PTAR1: variants seen among roughly 807,000 people sequenced by gnomAD.
PTAR1 encodes the protein protein prenyltransferase alpha subunit repeat-containing protein 1.
Under a neutral mutation model 45.5 loss-of-function variants are expected in PTAR1, and 17 were observed. The ratio of observed to expected loss-of-function variants is 0.37; its 90% confidence interval spans 0.26 to 0.56. PTAR1 has a LOEUF of 0.56. Among genes scored for constraint, PTAR1 ranks in the 20% least tolerant of loss-of-function variants. PTAR1 has a pLI of 0.77. For missense variants in PTAR1, 391 were observed against 476.3 expected (o/e 0.82, Z 1.67); for synonymous variants, 169 against 171.3 (o/e 0.99, Z 0.11).
chr9:69,750,872 A>G lies in PTAR1; in HGVS notation c.165T>C (p.Gly55=). The change falls in exon 2 of 8, where the codon GGT becomes GGC. Residue 55 remains glycine, a synonymous_variant. Coordinates refer to ENST00000340434, the MANE Select transcript of PTAR1 (RefSeq NM_001099666.2). The part of the protein sequence containing the change: ...SPIVLVENKL[G]VESWCVKFLL... Reference sequence around the variant, plus strand: ...GGAACTTGACACACCAGCTCTCCACACCCAGTTTGTTTTCAACCAGGACTA... The same window carrying G: ...GGAACTTGACACACCAGCTCTCCACGCCCAGTTTGTTTTCAACCAGGACTA... The G allele has an allele frequency of 1.2e-6, 2 of 1,610,270 alleles. No homozygotes were observed. The highest frequency in any genetic ancestry group is 1.7e-6 in the Non-Finnish European group (2 of 1,177,932).
At chr9:69,719,159 T>C (rs1412806458) in intron 6 of PTAR1, among the ~76,000 whole-genome samples, 3 of 152,162 alleles carry the variant, frequency 2.0e-5, no homozygotes, top group Non-Finnish European at 4.4e-5. Flanking sequence ...TTAATAAAAA[T>C]AACATATCTG....
chr9:69,750,058 A>G (rs1826453760), intron 2 of PTAR1, among the ~76,000 whole-genome samples: 1 of 152,094 alleles, frequency 6.6e-6, no homozygotes, highest in African/African-American at 2.4e-5. Flanking sequence ...GTCTTCTCCC[A>G]AAAAGTGAGA....
intron 2 of PTAR1, among the ~76,000 whole-genome samples, chr9:69,746,090 C>G (rs1826262200): frequency 6.6e-6 from 1 of 152,180 alleles, no homozygotes; most frequent in South Asian, 2.1e-4. Context: ...ACTGCTAAAA[C>G]TTCCTCATTC....
rs1172797757 is a variant in PTAR1 at position 69,723,524 on chromosome 9, T to C, written c.749A>G (p.Gln250Arg). The change falls in exon 6 of 8, where the codon CAA becomes CGA. Residue 250 changes from glutamine (Q) to arginine (R), a missense_variant. Around this residue, in one of 5 missense-constraint regions of PTAR1, gnomAD observed 181 missense variants for 227.7 expected, o/e 0.80. Transcript: ENST00000340434. ...CATCACAGAACTGTCTATCACAGTTTGGCTAATCAAAGACTTAAGCAAAAA... is the reference window on the plus strand; with the variant it reads ...CATCACAGAACTGTCTATCACAGTTCGGCTAATCAAAGACTTAAGCAAAAA... The part of the protein sequence containing the change: ...RQFLLKSLIS[Q>R]TVIDSSVMEQ... 1.2e-6 allele frequency: 2 copies of C among 1,613,892 alleles called. No individual in the cohort carries two copies. The highest frequency in any genetic ancestry group is 1.7e-5 in the Admixed American group (1 of 60,014).
At chr9:69,727,523 A>C (rs376806159) in intron 5 of PTAR1, among the ~76,000 whole-genome samples, 1 of 143,472 alleles carries the variant, frequency 7.0e-6, no homozygotes, top group Admixed American at 7.0e-5. Flanking sequence ...AAAAAAAAAA[A>C]CCACCTAACT....
chr9:69,722,210 G>C (rs1213172170), intron 6 of PTAR1, among the ~76,000 whole-genome samples: 3 of 152,146 alleles, frequency 2.0e-5, no homozygotes, highest in African/African-American at 4.8e-5. Context: ...TTTAGAAATA[G>C]GCAATTTTAA....
At chr9:69,726,343 A>C (rs1219997825) in intron 5 of PTAR1, among the ~76,000 whole-genome samples, 1 of 152,094 alleles carries the variant, frequency 6.6e-6, no homozygotes, top group East Asian at 1.9e-4. Flanking sequence ...TATGGCATTA[A>C]ATATTATTCT....
At position 69,749,206 on chromosome 9, in the gene PTAR1, T is replaced by C. The variant is rs1048452313; in HGVS notation, c.256+1575A>G. On this transcript the variant is annotated intron_variant, in intron 2 of 7. Transcript: ENST00000340434. Reference sequence around the variant, plus strand: ...CTTGGAAGACCACAGAAAGGGTAGGTTGAGCTAACATACATAAATGGGCAA... The same window carrying C: ...CTTGGAAGACCACAGAAAGGGTAGGCTGAGCTAACATACATAAATGGGCAA... Among the ~76,000 whole-genome samples the C allele has an allele frequency of 2.6e-5, 4 of 152,142 alleles. No homozygotes were observed. In the East Asian group the frequency reaches 5.8e-4, roughly 22 times the overall value.
intron 1 of PTAR1, among the ~76,000 whole-genome samples, chr9:69,758,932 T>C (rs1341092594): frequency 6.6e-6 from 1 of 152,142 alleles, no homozygotes; most frequent in Non-Finnish European, 1.5e-5. Flanking sequence ...GCCATGTTTC[T>C]TTTCTTTGAG....
At chr9:69,757,989 T>G (rs1340851533) in intron 1 of PTAR1, 1 of 152,238 alleles carries the variant, frequency 6.6e-6, no homozygotes, top group Non-Finnish European at 1.5e-5. Context: ...TACAAATCAT[T>G]ACATTATTCC....
At chr9:69,732,039 C>T in intron 5 of PTAR1, 100 bp downstream of exon 5, 1 of 771,064 alleles carries the variant, frequency 1.3e-6, no homozygotes, top group Admixed American at 2.7e-5. Flanking sequence ...GCCAGACCAT[C>T]AGTTTCTCTA....
At chr9:69,747,931 C>T (rs547044432) in intron 2 of PTAR1, among the ~76,000 whole-genome samples, 3 of 152,228 alleles carry the variant, frequency 2.0e-5, no homozygotes, top group South Asian at 2.1e-4. Context: ...TTCGACTCTA[C>T]GTTGACCCTG....
chr9:69,732,515 T>A (rs755728667), intron 4 of PTAR1, among the ~76,000 whole-genome samples, 163 bp from the exon 5 acceptor site: 1 of 152,144 alleles, frequency 6.6e-6, no homozygotes, highest in Non-Finnish European at 1.5e-5. Context: ...GTTGTTTTGT[T>A]GTTTATGATG....
intron 6 of PTAR1, among the ~76,000 whole-genome samples, chr9:69,721,908 T>C (rs1825028868): frequency 6.6e-6 from 1 of 152,170 alleles, no homozygotes; most frequent in African/African-American, 2.4e-5. Context: ...AAAAAAAAAT[T>C]GTGTGGCTCA....
intron 5 of PTAR1, among the ~76,000 whole-genome samples, chr9:69,724,679 A>G (rs1290490536): frequency 1.3e-5 from 2 of 152,156 alleles, no homozygotes; most frequent in African/African-American, 4.8e-5. Context: ...ATTCCATCAC[A>G]TTTATTAAAG....
chr9:69,755,475 C>A (rs1826734428), intron 1 of PTAR1, among the ~76,000 whole-genome samples: 1 of 152,144 alleles, frequency 6.6e-6, no homozygotes, highest in Non-Finnish European at 1.5e-5. Context: ...TTATTATCCA[C>A]AAAAGTTGCA....
rs145947133 is a variant in PTAR1, at chr9:69,723,391, T to A, written c.882A>T (p.Glu294Asp). The change falls in exon 6 of 8, where the codon GAA becomes GAT. Residue 294 changes from glutamate (E) to aspartate (D), a missense_variant. This residue lies in a region of PTAR1 where 181 missense variants were observed against 227.7 expected (regional missense o/e 0.80). Transcript: ENST00000340434. Reference protein sequence around the residue: ...PRINLPHLLEEEVEFSTDLID... With the variant: ...PRINLPHLLEDEVEFSTDLID... The stretch of plus-strand genomic sequence containing the variant: ...TAAGATCAGTGCTGAATTCAACTTC[T>A]TCTTCTAGAAGATGGGGAAGATTAA... 9.3e-6 allele frequency: 15 copies of A among 1,613,930 alleles called. No individual in the cohort carries two copies. The East Asian group carries it at 1.6e-4, about 17-fold the overall frequency.
At position 69,714,873 on chromosome 9, in the gene PTAR1, A is replaced by G. The variant is rs1210353394; in HGVS notation, c.*3469T>C. On this transcript the variant is annotated 3_prime_UTR_variant, in exon 8 of 8. Transcript: ENST00000340434. Reference sequence around the variant, plus strand: ...TACATATCAAATCCCTAAGCTTAAAAAATGACTCATACAGATTTAAGAAAT... The same window carrying G: ...TACATATCAAATCCCTAAGCTTAAAGAATGACTCATACAGATTTAAGAAAT... 1 of 152,114 alleles carries G rather than the reference A, an allele frequency of 6.6e-6. No individual in the cohort carries two copies. The highest frequency in any genetic ancestry group is 2.4e-5 in the African/African-American group (1 of 41,464). The allele number at this position is 152,114 out of a possible 1,614,324, so 9.4% of individuals were successfully genotyped here. A position where few individuals can be genotyped will look rare whatever the true frequency, so the allele number is the denominator to read the frequency against.
intron 3 of PTAR1, among the ~76,000 whole-genome samples, chr9:69,736,755 ACT>A (rs1825807745): frequency 6.6e-6 from 1 of 152,102 alleles, no homozygotes; most frequent in African/African-American, 2.4e-5. Flanking sequence ...AATTATGGGC[ACT>A]CTCTTTTGCA....
Sources: allele counts gnomAD v4.1 joint callset (sites outside exome capture counted in the v4.1 genomes callset), GRCh38; gene constraint gnomAD v4.1.1; regional missense constraint gnomAD v4.1.1; transcripts MANE v1.5; gene names NCBI Gene and HGNC (gene_info 2026-07-23, HGNC 2026-07-21).